Variants in CALD1 observed in about 807,000 individuals in gnomAD.
CALD1 encodes caldesmon 1.
A neutral mutation model predicts 99.9 loss-of-function variants in CALD1; 33 were observed. The observed-to-expected ratio is 0.33, with a 90% CI of 0.25 to 0.44. The LOEUF is 0.44. CALD1 is among the 20% of genes least tolerant of loss of function. The probability of loss-of-function intolerance (pLI) is 1.00; values close to 1 mark genes in which losing one functional copy is unlikely to be tolerated. For missense variants in CALD1, 861 were observed against 962.1 expected (o/e 0.89, Z 1.39); for synonymous variants, 310 against 325.0 (o/e 0.95, Z 0.50).
At chr7:134,958,872 A>ATATAT (rs1807993537) in intron 11 of CALD1, among the ~76,000 whole-genome samples, 1 of 124,864 alleles carries the variant, frequency 8.0e-6, no homozygotes, top group Non-Finnish European at 1.6e-5. Context: ...CTGGTATTTA[A>ATATAT]ATATATATAT....
At chr7:134,964,042 C>T (rs1323689018) in intron 13 of CALD1, among the ~76,000 whole-genome samples, 2 of 152,104 alleles carry the variant, frequency 1.3e-5, no homozygotes, top group Non-Finnish European at 2.9e-5. Flanking sequence ...ACTAAAAATA[C>T]AAAAATTAGC....
intron 1 of CALD1, among the ~76,000 whole-genome samples, chr7:134,841,319 C>T (rs1799638688): frequency 6.6e-6 from 1 of 152,184 alleles, no homozygotes; most frequent in African/African-American, 2.4e-5. Context: ...AAATGTAAAG[C>T]AGAGACAATT....
intron 3 of CALD1, among the ~76,000 whole-genome samples, chr7:134,893,499 T>A (rs1366266879): frequency 6.6e-6 from 1 of 152,220 alleles, no homozygotes; most frequent in East Asian, 1.9e-4. Flanking sequence ...TTGTAAAAAC[T>A]ATAGGAGTAC....
chr7:134,958,897 A>T (rs929744352), intron 11 of CALD1, among the ~76,000 whole-genome samples: 20 of 102,106 alleles, frequency 2.0e-4, no homozygotes, highest in East Asian at 7.1e-4. Context: ...ATATATATAT[A>T]TATATATATA....
chr7:134,943,262 G>C (rs973132377), intron 7 of CALD1, among the ~76,000 whole-genome samples: 2 of 141,972 alleles, frequency 1.4e-5, no homozygotes, highest in Non-Finnish European at 3.0e-5. Flanking sequence ...TACTCATCTT[G>C]ACTTACACCT....
chr7:134,737,364 A>G, the CALD1 span, among the ~76,000 whole-genome samples: 1 of 152,104 alleles, frequency 6.6e-6, no homozygotes, highest in African/African-American at 2.4e-5. Flanking sequence ...CCTGAGCTCA[A>G]GAAATCCTCC....
At chr7:134,935,298 C>A (rs1805875457) in intron 5 of CALD1, among the ~76,000 whole-genome samples, 1 of 152,206 alleles carries the variant, frequency 6.6e-6, no homozygotes, top group South Asian at 2.1e-4. Context: ...TTCACATTCA[C>A]CTTTCCAGAG....
chr7:134,960,597 A>G lies in CALD1; in HGVS notation c.2264A>G (p.Asp755Gly). Reference sequence around the variant, plus strand: ...AATGAATGGCTAACTAAAACCCCAGATGGAAACAAGTCACCTGCTCCCAAA... The same window carrying G: ...AATGAATGGCTAACTAAAACCCCAGGTGGAAACAAGTCACCTGCTCCCAAA... ...RINEWLTKTPDGNKSPAPKPS... is the reference protein window; with the variant it reads ...RINEWLTKTPGGNKSPAPKPS... The change falls in exon 13 of 15, where the codon GAT (aspartate) becomes GGT (glycine). Residue 755 changes from aspartate to glycine, a missense_variant. Around this residue, in one of 5 missense-constraint regions of CALD1, gnomAD observed 190 missense variants for 249.0 expected, o/e 0.76. Transcript: ENST00000361675. 1 of 1,613,478 alleles carries G rather than the reference A, an allele frequency of 6.2e-7. No individual in the cohort carries two copies. Among genetic ancestry groups the G allele is most frequent in the African/African-American group, 1.3e-5 (1 of 75,042 alleles).
the CALD1 span, among the ~76,000 whole-genome samples, chr7:134,731,171 T>G: frequency 1.3e-5 from 2 of 151,528 alleles, no homozygotes; most frequent in Admixed American, 1.3e-4. Context: ...TCTTCCACAC[T>G]CTCTCTCTCT....
At chr7:134,841,089 A>G (rs1390880544) in intron 1 of CALD1, among the ~76,000 whole-genome samples, 1 of 152,158 alleles carries the variant, frequency 6.6e-6, no homozygotes. Flanking sequence ...CACATACACA[A>G]TACATTTTTT....
chr7:134,843,132 T>C (rs3823567), intron 1 of CALD1, among the ~76,000 whole-genome samples: 1 of 152,154 alleles, frequency 6.6e-6, no homozygotes, highest in East Asian at 1.9e-4. Context: ...CCTTCCTTAC[T>C]ACCTCCGGTC....
chr7:134,933,628 A>C lies in CALD1; in HGVS notation c.859A>C (p.Lys287Gln), dbSNP rs148403238. Residue 287 changes from lysine (K) to glutamine (Q), a missense_variant, in exon 5 of 15, where the codon AAG becomes CAG. Lys to Gln is a moderately conservative substitution (Grantham distance 53). This residue lies in a region of CALD1 where 234 missense variants were observed against 233.1 expected (regional missense o/e 1.00). Coordinates refer to ENST00000361675, the MANE Select transcript of CALD1 (RefSeq NM_033138.4). Reference sequence around the variant, plus strand: ...AAGAATTAAAGCCGAGCAAGACAAAAAGATAGCAGATGAACGAGCAAGAAT... The same window carrying C: ...AAGAATTAAAGCCGAGCAAGACAAACAGATAGCAGATGAACGAGCAAGAAT... ...RERIKAEQDK[K>Q]IADERARIEA... 2.8e-4 allele frequency: 451 copies of C among 1,611,560 alleles called. No individual in the cohort carries two copies. Among genetic ancestry groups the C allele is most frequent in the Admixed American group, 6.9e-4 (41 of 59,606 alleles).
intron 1 of CALD1, among the ~76,000 whole-genome samples, chr7:134,753,919 C>A (rs1171241978): frequency 1.3e-5 from 2 of 152,230 alleles, no homozygotes; most frequent in Non-Finnish European, 1.5e-5. Flanking sequence ...TTGCAAGCTC[C>A]CCTAGCTGCA....
chr7:134,834,574 T>C (rs1563032850), intron 1 of CALD1, among the ~76,000 whole-genome samples: 1 of 152,220 alleles, frequency 6.6e-6, no homozygotes, highest in Non-Finnish European at 1.5e-5. Context: ...TAGGTCTTAT[T>C]TATAAAATGT....
At chr7:134,788,992 G>C (rs1414176758) in intron 1 of CALD1, among the ~76,000 whole-genome samples, 1 of 146,296 alleles carries the variant, frequency 6.8e-6, no homozygotes, top group Non-Finnish European at 1.5e-5. Context: ...TCCACCCTGG[G>C]TGACACAGTG....
chr7:134,824,016 A>C (rs1798887431), intron 1 of CALD1, among the ~76,000 whole-genome samples: 1 of 152,172 alleles, frequency 6.6e-6, no homozygotes, highest in African/African-American at 2.4e-5. Flanking sequence ...AGAATAACAA[A>C]ACAGTTTAGA....
chr7:134,839,265 A>G (rs1312957706), intron 1 of CALD1, among the ~76,000 whole-genome samples: 1 of 152,208 alleles, frequency 6.6e-6, no homozygotes, highest in South Asian at 2.1e-4. Context: ...TCTAATTGCT[A>G]TATAGGGTTT....
At chr7:134,751,104 G>A (rs143398956) in intron 1 of CALD1, among the ~76,000 whole-genome samples, 82 of 152,196 alleles carry the variant, frequency 5.4e-4, no homozygotes, top group African/African-American at 1.9e-3. Context: ...GGACTAGATT[G>A]CCCATGTCCA....
rs372083004 is a variant in CALD1, at chr7:134,942,918, G to A, written c.1532+1681G>A. ...AGAAATCCAAAAAGCTGGGTAATTC[G>A]AAGAAAGGAATAGTCACAAGAGATG... On this transcript the variant is annotated intron_variant, in intron 7 of 14. Coordinates refer to ENST00000361675, the MANE Select transcript of CALD1 (RefSeq NM_033138.4). Among the ~76,000 whole-genome samples, 90 of 152,062 alleles carry A rather than the reference G, an allele frequency of 5.9e-4. 1 individual carries two copies. The highest frequency in any genetic ancestry group is 3.4e-3 in the Middle Eastern group (1 of 294).
Sources: gnomAD v4.1 joint callset for allele counts (sites outside exome capture counted in the v4.1 genomes callset) on GRCh38, gnomAD v4.1.1 for gene constraint, gnomAD v4.1.1 regional missense constraint, MANE v1.5 for transcripts, NCBI Gene and HGNC (gene_info 2026-07-23, HGNC 2026-07-21) for gene names.